TBC1D21: variants seen among roughly 807,000 people sequenced by gnomAD.
TBC1D21 encodes the protein TBC1 domain family member 21, also known as male germ cell Rab GTPase-activating protein.
Under a neutral mutation model 46.0 loss-of-function variants are expected in TBC1D21, and 38 were observed. The observed-to-expected ratio is 0.83, with a 90% CI of 0.64 to 1.08. TBC1D21 has a LOEUF of 1.08. TBC1D21 is among the 50% of genes least tolerant of loss of function. The probability of loss-of-function intolerance (pLI) is 0.00; values close to 1 mark genes in which losing one functional copy is unlikely to be tolerated. For missense variants in TBC1D21, 415 were observed against 417.9 expected (o/e 0.99, Z 0.06); for synonymous variants, 151 against 157.2 (o/e 0.96, Z 0.29).
At chr15:73,900,509 C>T in the TBC1D21 span, among the ~76,000 whole-genome samples, 74 of 152,242 alleles carry the variant, frequency 4.9e-4, no homozygotes, top group African/African-American at 1.8e-3. Context: ...TTCTCCTTCT[C>T]CCCTGGACCA....
intron 1 of TBC1D21, among the ~76,000 whole-genome samples, chr15:73,876,063 C>A (rs991699769): frequency 1.3e-5 from 2 of 152,060 alleles, no homozygotes; most frequent in African/African-American, 4.8e-5. Flanking sequence ...TGTTCTGGTC[C>A]TTGGCTTGCT....
intron 1 of TBC1D21, among the ~76,000 whole-genome samples, chr15:73,874,760 G>GT (rs1207861218): frequency 2.6e-4 from 40 of 152,278 alleles, no homozygotes; most frequent in African/African-American, 5.3e-4. Context: ...AGAGATCTGT[G>GT]TTTTTTGTAA....
At chr15:73,875,958 T>TAATCAGA (rs1307710852) in intron 1 of TBC1D21, among the ~76,000 whole-genome samples, 3 of 152,174 alleles carry the variant, frequency 2.0e-5, no homozygotes, top group Non-Finnish European at 4.4e-5. Context: ...ACACATTCTC[T>TAATCAGA]GATTTCTAGC....
chr15:73,884,469 G>C (rs1266102853), intron 4 of TBC1D21, among the ~76,000 whole-genome samples: 1 of 152,232 alleles, frequency 6.6e-6, no homozygotes, highest in African/African-American at 2.4e-5. Context: ...TGATGTTCCT[G>C]CTGCCTGGTC....
At chr15:73,885,519 C>T (rs2068228624) in intron 6 of TBC1D21, among the ~76,000 whole-genome samples, 1 of 152,098 alleles carries the variant, frequency 6.6e-6, no homozygotes, top group African/African-American at 2.4e-5. Flanking sequence ...AACCTGAATT[C>T]CAGGCACACC....
At chr15:73,881,356 A>G (rs1314177654) in intron 1 of TBC1D21, 43 bp from the exon 2 acceptor site, 2 of 1,457,720 alleles carry the variant, frequency 1.4e-6, no homozygotes, top group Admixed American at 3.5e-5. Flanking sequence ...TTAAAAGCCG[A>G]AGCCTTCTAA....
chr15:73,890,515 C>T (rs911051705), downstream of TBC1D21, among the ~76,000 whole-genome samples: 1 of 152,210 alleles, frequency 6.6e-6, no homozygotes, highest in Non-Finnish European at 1.5e-5. Flanking sequence ...AAAGACAGTT[C>T]TCCAAGGATG....
intron 1 of TBC1D21, among the ~76,000 whole-genome samples, chr15:73,875,617 G>A (rs915933440): frequency 6.6e-6 from 1 of 152,118 alleles, no homozygotes; most frequent in Non-Finnish European, 1.5e-5. Context: ...CCCTTCCCCA[G>A]GGGAAGAATG....
At chr15:73,889,979 C>T (rs2141588676), downstream of TBC1D21, among the ~76,000 whole-genome samples, 1 of 152,266 alleles carries the variant, frequency 6.6e-6, no homozygotes, top group South Asian at 2.1e-4. Context: ...GGCTGGGTGC[C>T]CCCAGAGCTG....
Position 73,888,523 on chromosome 15 carries a change from C to T in TBC1D21, c.978+10C>T. ...GCTCATCCAGAAGGATGTAAGTTGC[C>T]CCAATGATGTGTCCTCCTCCTCCTC... is the stretch of plus-strand genomic sequence containing the variant. On this transcript the variant is annotated intron_variant, in intron 10 of 10. Coordinates refer to ENST00000300504, the MANE Select transcript of TBC1D21 (RefSeq NM_153356.3). 1 of 1,611,364 alleles carries T rather than the reference C, an allele frequency of 6.2e-7. No homozygotes were observed. The highest frequency in any genetic ancestry group is 1.1e-5 in the South Asian group (1 of 90,968).
the TBC1D21 span, among the ~76,000 whole-genome samples, chr15:73,903,716 C>T: frequency 2.0e-5 from 3 of 152,202 alleles, no homozygotes; most frequent in Non-Finnish European, 4.4e-5. Flanking sequence ...TGATCCTGCC[C>T]TCGGTCTGCC....
At position 73,876,226 on chromosome 15, in the gene TBC1D21, T is replaced by TGTTTG. The variant is rs1567062396; in HGVS notation, c.60+2457_60+2458insGTTTG. Among the ~76,000 whole-genome samples the TGTTTG allele has an allele frequency of 1.2e-3, 39 of 33,644 alleles. 1 individual carries two copies. The highest frequency in any genetic ancestry group is 4.3e-3 in the African/African-American group (38 of 8,910). The allele number at this position is 33,644 out of a possible 152,430, so 22.1% of individuals were successfully genotyped here. A position where few individuals can be genotyped will look rare whatever the true frequency, so the allele number is the denominator to read the frequency against. Reference sequence around the variant, plus strand: ...TTTTTTTTTTTTTTTTTTTTTTTTTTTTTTTTTTTTTTTTTTTTTGAGACG... The same window carrying TGTTTG: ...TTTTTTTTTTTTTTTTTTTTTTTTTTGTTTGTTTTTTTTTTTTTTTTTTTGAGACG... On this transcript the variant is annotated intron_variant, in intron 1 of 10. Transcript: ENST00000300504.
At chr15:73,900,271 T>C in the TBC1D21 span, among the ~76,000 whole-genome samples, 1 of 152,152 alleles carries the variant, frequency 6.6e-6, no homozygotes, top group Non-Finnish European at 1.5e-5. Flanking sequence ...ACACAGCCTC[T>C]TGGCAGATGG....
intron 1 of TBC1D21, among the ~76,000 whole-genome samples, chr15:73,876,395 T>C (rs1191804973): frequency 1.5e-5 from 1 of 65,656 alleles, no homozygotes; most frequent in Admixed American, 1.6e-4. Context: ...ACCCGGGTAA[T>C]TTTTGTTTTT....
the TBC1D21 span, among the ~76,000 whole-genome samples, chr15:73,898,876 A>T: frequency 1.3e-4 from 8 of 63,058 alleles, no homozygotes; most frequent in South Asian, 5.2e-4. Flanking sequence ...AAAAAAAAAA[A>T]AAAAATATAT....
the TBC1D21 span, chr15:73,909,993 C>T: frequency 6.6e-6 from 1 of 152,208 alleles, no homozygotes; most frequent in South Asian, 2.1e-4. Context: ...CTGTGAGATG[C>T]TCCAAGATCC....
chr15:73,888,482 G>A lies in TBC1D21; in HGVS notation c.947G>A (p.Cys316Tyr). 1 of 1,614,086 alleles carries A rather than the reference G, an allele frequency of 6.2e-7. No homozygotes were observed. The highest frequency in any genetic ancestry group is 8.5e-7 in the Non-Finnish European group (1 of 1,180,014). ...LDADELISAA[C>Y]VVYAELIQKD... Reference sequence around the variant, plus strand: ...GCTGATGAGCTGATCTCTGCCGCCTGCGTGGTTTATGCTGAGCTCATCCAG... The same window carrying A: ...GCTGATGAGCTGATCTCTGCCGCCTACGTGGTTTATGCTGAGCTCATCCAG... The change falls in exon 10 of 11, where the codon TGC becomes TAC. Residue 316 changes from cysteine to tyrosine, a missense_variant. Cys to Tyr is a radical substitution (Grantham distance 194). Transcript: ENST00000300504.
chr15:73,902,583 G>A, the TBC1D21 span, among the ~76,000 whole-genome samples: 2 of 152,120 alleles, frequency 1.3e-5, no homozygotes, highest in East Asian at 3.9e-4. Flanking sequence ...ATGCTCGATG[G>A]TGGCACCACT....
the TBC1D21 span, among the ~76,000 whole-genome samples, chr15:73,901,157 C>T: frequency 6.6e-5 from 10 of 152,326 alleles, no homozygotes; most frequent in Admixed American, 1.3e-4. Context: ...AGGCCTGCTT[C>T]GGGACCAAGG....
Sources: allele counts gnomAD v4.1 joint callset (sites outside exome capture counted in the v4.1 genomes callset), GRCh38; gene constraint gnomAD v4.1.1; transcripts MANE v1.5; gene names NCBI Gene and HGNC (gene_info 2026-07-23, HGNC 2026-07-21).